The following SMAD5 variants were observed in gnomAD, a reference collection of about 807,000 sequenced individuals.
SMAD5 encodes the protein MAD, mothers against decapentaplegic homolog 5.
In SMAD5, 9 loss-of-function variants were observed where a neutral mutation model predicts 43.1. The observed-to-expected ratio is 0.21, with a 90% confidence interval of 0.13 to 0.36. The LOEUF is 0.36. Among genes scored for constraint, SMAD5 ranks in the 10% least tolerant of loss-of-function variants. The probability of loss-of-function intolerance (pLI) is 1.00; values close to 1 mark genes in which losing one functional copy is unlikely to be tolerated. For missense variants in SMAD5, 348 were observed against 574.0 expected, an observed-to-expected ratio of 0.61 and a Z score of 4.02; for synonymous variants, 190 against 192.4, an observed-to-expected ratio of 0.99 and a Z score of 0.10.
chr5:136,177,600 A>T lies in SMAD5; in HGVS notation c.*120A>T, dbSNP rs1754470787. 9 of 718,850 alleles carry T rather than the reference A, an allele frequency of 1.3e-5. No individual in the cohort carries two copies. The highest frequency in any genetic ancestry group is 1.6e-5 in the Non-Finnish European group (7 of 444,920). The allele number at this position is 718,850 out of a possible 1,614,324, so 44.5% of individuals were successfully genotyped here. A position where few individuals can be genotyped will look rare whatever the true frequency, so the allele number is the denominator to read the frequency against. On this transcript the variant is annotated 3_prime_UTR_variant, in exon 8 of 8. Transcript: ENST00000545279. ...GATATTACAGCTTATTTTTTTCTAC[A>T]TAATTGTGACCAATACATTTGTATT...
Position 136,172,625 on chromosome 5 carries a change from A to G in SMAD5, c.967A>G (p.Ile323Val), listed in dbSNP as rs780577486. ...LLSNVNRNST[I>V]ENTRRHIGKG... ...GTCAAATGTTAATCGTAATTCGACA[A>G]TTGAAAACACTAGGCGACATATTGG... The change falls in exon 6 of 8, where the codon ATT becomes GTT. Residue 323 changes from isoleucine to valine, a missense_variant. This residue lies in a region of SMAD5 where 97 missense variants were observed against 211.8 expected (regional missense o/e 0.46). Coordinates refer to ENST00000545279, the MANE Select transcript of SMAD5 (RefSeq NM_005903.7). 7 of 1,610,426 alleles carry G rather than the reference A, an allele frequency of 4.3e-6. No homozygotes were observed. The highest frequency in any genetic ancestry group is 3.3e-5 in the South Asian group (3 of 90,990).
In SMAD5 at chr5:136,154,121, G is replaced by A. The variant is rs1283708587; in HGVS notation, c.361G>A (p.Val121Ile). The part of the protein sequence containing the change: ...EFPFGSKQKE[V>I]CINPYHYKRV... ...TCCTTTTGGATCTAAGCAAAAAGAA[G>A]TTTGTATCAACCCATACCACTATAA... Residue 121 changes from valine to isoleucine, a missense_variant, in exon 3 of 8, where the codon GTT becomes ATT. Transcript: ENST00000545279. The A allele has an allele frequency of 4.4e-6, 7 of 1,588,214 alleles. No individual in the cohort carries two copies. Among genetic ancestry groups the A allele is most frequent in the Non-Finnish European group, 6.0e-6 (7 of 1,166,534 alleles).
intron 7 of SMAD5, among the ~76,000 whole-genome samples, chr5:136,175,007 T>TC (rs1754364253): frequency 1.3e-5 from 2 of 152,310 alleles, no homozygotes; most frequent in South Asian, 4.1e-4. Flanking sequence ...AACTCACAGT[T>TC]CCACGTGGCT....
At position 136,181,276 on chromosome 5, in the gene SMAD5, TATTTTGGACTTAC is replaced by T. The variant is rs1242304796; in HGVS notation, c.*3802_*3814del. ...GAGTTCAGCCTTTTGTGATGACTTA[TATTTTGGACTTAC>T]ATTTTAACTTTAAAGAATGTCAGAT... On this transcript the variant is annotated 3_prime_UTR_variant, in exon 8 of 8. Coordinates refer to ENST00000545279, the MANE Select transcript of SMAD5 (RefSeq NM_005903.7). The T allele has an allele frequency of 1.3e-5, 2 of 152,184 alleles. No individual in the cohort carries two copies. Among genetic ancestry groups the T allele is most frequent in the African/African-American group, 4.8e-5 (2 of 41,462 alleles). 9.4% of individuals were successfully genotyped at this position (152,184 alleles called of 1,614,324 possible).
chr5:136,165,662 A>ATTTTTTTTTTTTTTT (rs58156387), intron 5 of SMAD5, among the ~76,000 whole-genome samples: 3 of 65,456 alleles, frequency 4.6e-5, no homozygotes, highest in Non-Finnish European at 9.0e-5. Flanking sequence ...GAATCATACA[A>ATTTTTTTTTTTTTTT]TTTTTTTTTT....
At chr5:136,158,019 G>T (rs547723547) in intron 3 of SMAD5, among the ~76,000 whole-genome samples, 1 of 152,278 alleles carries the variant, frequency 6.6e-6, no homozygotes, top group Admixed American at 6.5e-5. Flanking sequence ...AGCATTAGAT[G>T]AGTTGGTGCC....
intron 3 of SMAD5, among the ~76,000 whole-genome samples, chr5:136,156,911 C>A (rs1433649652): frequency 6.6e-6 from 1 of 152,068 alleles, no homozygotes; most frequent in East Asian, 1.9e-4. Flanking sequence ...TGAGCCCAAA[C>A]TCTTGGGGGA....
chr5:136,165,665 T>A (rs1461060058), intron 5 of SMAD5, among the ~76,000 whole-genome samples: 1,098 of 53,674 alleles, frequency 0.02, 118 homozygotes, highest in African/African-American at 0.13. Flanking sequence ...TCATACAATT[T>A]TTTTTTTTTT....
In SMAD5 at chr5:136,174,506, C is replaced by T; in HGVS notation, c.1128C>T (p.Ser376=). ...FHPTTVCKIP[S]SCSLKIFNNQ... is the part of the protein sequence containing the mutation. ...CCACCACTGTCTGTAAGATTCCCAG[C>T]AGCTGCAGCCTCAAAATTTTTAACA... is the stretch of plus-strand genomic sequence containing the variant. Residue 376 remains serine, a synonymous_variant, in exon 7 of 8, where the codon AGC becomes AGT. Coordinates refer to ENST00000545279, the MANE Select transcript of SMAD5 (RefSeq NM_005903.7). 1 of 1,613,936 alleles carries T rather than the reference C, an allele frequency of 6.2e-7. No homozygotes were observed. The highest frequency in any genetic ancestry group is 8.5e-7 in the Non-Finnish European group (1 of 1,179,828).
At chr5:136,145,617 C>T (rs1753233911) in intron 1 of SMAD5, among the ~76,000 whole-genome samples, 1 of 151,864 alleles carries the variant, frequency 6.6e-6, no homozygotes, top group Admixed American at 6.6e-5. Context: ...GGATCCCAAC[C>T]ATTTATTTAA....
At chr5:136,148,298 T>A (rs1753333795) in intron 2 of SMAD5, among the ~76,000 whole-genome samples, 1 of 151,656 alleles carries the variant, frequency 6.6e-6, no homozygotes, top group African/African-American at 2.4e-5. Flanking sequence ...ATATACATTT[T>A]TTCAAGGACC....
At chr5:136,171,811 G>A (rs1754231531) in intron 5 of SMAD5, among the ~76,000 whole-genome samples, 1 of 152,178 alleles carries the variant, frequency 6.6e-6, no homozygotes, top group African/African-American at 2.4e-5. Flanking sequence ...TTACATGTAA[G>A]AATGATGTGA....
chr5:136,141,422 A>G (rs1233011537), intron 1 of SMAD5, among the ~76,000 whole-genome samples: 1 of 152,178 alleles, frequency 6.6e-6, no homozygotes, highest in East Asian at 1.9e-4. Flanking sequence ...AGTTTATCTC[A>G]TTGTACTTAC....
At position 136,147,891 on chromosome 5, in the gene SMAD5, C is replaced by G. The variant is rs1462654885; in HGVS notation, c.-185C>G. The G allele has an allele frequency of 6.6e-6, 1 of 151,492 alleles. No homozygotes were observed. Among genetic ancestry groups the G allele is most frequent in the Non-Finnish European group, 1.5e-5 (1 of 67,764 alleles). 9.4% of individuals were successfully genotyped at this position (151,492 alleles called of 1,614,324 possible). On this transcript the variant is annotated 5_prime_UTR_variant, in exon 2 of 8. Coordinates refer to ENST00000545279, the MANE Select transcript of SMAD5 (RefSeq NM_005903.7). Reference sequence around the variant, plus strand: ...GCTATATTCTAAGAAATTAAAATGTCCAGAAATCTGCCTCTGTAAGTAACC... The same window carrying G: ...GCTATATTCTAAGAAATTAAAATGTGCAGAAATCTGCCTCTGTAAGTAACC...
chr5:136,141,492 C>T (rs1753081413), intron 1 of SMAD5, among the ~76,000 whole-genome samples: 1 of 152,138 alleles, frequency 6.6e-6, no homozygotes, highest in Non-Finnish European at 1.5e-5. Context: ...GAGATTCTGT[C>T]CCGTTTGCAT....
At chr5:136,172,082 C>T (rs985538231) in intron 5 of SMAD5, among the ~76,000 whole-genome samples, 13 of 152,320 alleles carry the variant, frequency 8.5e-5, no homozygotes, top group Admixed American at 7.8e-4. Context: ...CAGGTCCTCA[C>T]TAGTTACCAA....
At position 136,181,210 on chromosome 5, in the gene SMAD5, T is replaced by C. The variant is rs1487320681; in HGVS notation, c.*3730T>C. 2 of 152,158 alleles carry C rather than the reference T, an allele frequency of 1.3e-5. No individual in the cohort carries two copies. Among genetic ancestry groups the C allele is most frequent in the African/African-American group, 4.8e-5 (2 of 41,466 alleles). The allele number at this position is 152,158 out of a possible 1,614,324, so 9.4% of individuals were successfully genotyped here. ...TGCCACTTAAAATATATAAATATCC[T>C]TTTTACTTCATGAGGAAGGAAGAAT... On this transcript the variant is annotated 3_prime_UTR_variant, in exon 8 of 8. Transcript: ENST00000545279.
At chr5:136,140,171 T>G (rs1457028622) in intron 1 of SMAD5, among the ~76,000 whole-genome samples, 2 of 152,046 alleles carry the variant, frequency 1.3e-5, no homozygotes, top group Non-Finnish European at 2.9e-5. Flanking sequence ...TACAGGCACA[T>G]GCCACCACAC....
intron 7 of SMAD5, among the ~76,000 whole-genome samples, chr5:136,176,059 A>G (rs1754404338): frequency 1.3e-5 from 2 of 152,218 alleles, no homozygotes; most frequent in African/African-American, 4.8e-5. Context: ...GATAATCACT[A>G]TGTGACTGCC....
Sources: allele counts gnomAD v4.1 joint callset (sites outside exome capture counted in the v4.1 genomes callset), GRCh38; gene constraint gnomAD v4.1.1; regional missense constraint gnomAD v4.1.1; transcripts MANE v1.5; gene names NCBI Gene and HGNC (gene_info 2026-07-23, HGNC 2026-07-21).